The following MGAT4D variants were observed in gnomAD, a reference collection of about 807,000 sequenced individuals.
MGAT4D encodes MGAT4 family member D.
In MGAT4D, 34 loss-of-function variants were observed where a neutral mutation model predicts 15.9. The ratio of observed to expected loss-of-function variants is 2.14; its 90% CI spans 1.62 to 2.84. MGAT4D has a LOEUF of 2.84. Ranked by LOEUF, MGAT4D falls within the 30% of genes most tolerant of loss-of-function variation. The pLI is 0.00. For missense variants in MGAT4D, 327 were observed against 140.2 expected (o/e 2.33, Z -6.73); for synonymous variants, 112 against 48.2 (o/e 2.33, Z -5.49).
chr4:140,447,704 T>G (rs1421683041), intron 10 of MGAT4D, among the ~76,000 whole-genome samples: 1 of 152,232 alleles, frequency 6.6e-6, no homozygotes, highest in Admixed American at 6.5e-5. Flanking sequence ...CCTATTTACA[T>G]TCAAGATTAG....
chr4:140,456,979 G>C (rs1249277417), intron 8 of MGAT4D: 1 of 190,730 alleles, frequency 5.2e-6, no homozygotes, highest in East Asian at 1.2e-4. Context: ...TAACTCATGA[G>C]GATTGATTGT....
intron 1 of MGAT4D, among the ~76,000 whole-genome samples, chr4:140,484,652 T>A (rs1578709121): frequency 6.6e-6 from 1 of 152,218 alleles, no homozygotes; most frequent in East Asian, 1.9e-4. Context: ...AACCTACTCA[T>A]CTGACAAAGG....
At chr4:140,451,555 A>T in intron 9 of MGAT4D, 38 bp from the exon 10 acceptor site, 1 of 508,106 alleles carries the variant, frequency 2.0e-6, no homozygotes, top group Non-Finnish European at 3.6e-6. Flanking sequence ...GTAAAAACCC[A>T]GGTATTGCTT....
chr4:140,470,255 G>GGCATA (rs1665326423), intron 5 of MGAT4D, among the ~76,000 whole-genome samples: 1 of 152,124 alleles, frequency 6.6e-6, no homozygotes, highest in South Asian at 2.1e-4. Flanking sequence ...GACACTGACC[G>GGCATA]GCATACCTTC....
At position 140,474,797 on chromosome 4, in the gene MGAT4D, T is replaced by G. The variant is rs1432927586; in HGVS notation, c.525+16A>C. On this transcript the variant is annotated intron_variant, in intron 4 of 10. Transcript: ENST00000511113. Reference sequence around the variant, plus strand: ...TAGGGTGAGGATAAGGAGAGCTCCTTATTTTGTATACGTACATCTGCAACC... The same window carrying G: ...TAGGGTGAGGATAAGGAGAGCTCCTGATTTTGTATACGTACATCTGCAACC... The G allele has an allele frequency of 9.3e-6, 6 of 648,546 alleles. No individual in the cohort carries two copies. Among genetic ancestry groups the G allele is most frequent in the Admixed American group, 2.5e-5 (1 of 40,678 alleles). 40.2% of individuals were successfully genotyped at this position (648,546 alleles called of 1,614,324 possible). A position where few individuals can be genotyped will look rare whatever the true frequency, so the allele number is the denominator to read the frequency against.
At position 140,471,770 on chromosome 4, in the gene MGAT4D, C is replaced by A; in HGVS notation, c.572+5G>T. ...TAATGTAAAAATATATCAGACAGTA[C>A]TTACTTTTTTGTAATCATTTTAACA... On this transcript the variant is annotated splice_donor_5th_base_variant and intron_variant, in intron 5 of 10. Coordinates refer to ENST00000511113, the MANE Select transcript of MGAT4D (RefSeq NM_001277353.2). The A allele has an allele frequency of 2.1e-6, 1 of 478,432 alleles. No homozygotes were observed. Among genetic ancestry groups the A allele is most frequent in the African/African-American group, 2.0e-5 (1 of 50,468 alleles). The allele number at this position is 478,432 out of a possible 1,614,324, so 29.6% of individuals were successfully genotyped here.
chr4:140,465,948 C>T (rs2126751270), intron 5 of MGAT4D, among the ~76,000 whole-genome samples: 1 of 152,278 alleles, frequency 6.6e-6, no homozygotes, highest in East Asian at 1.9e-4. Flanking sequence ...GCACAAATCA[C>T]TATATAAATA....
chr4:140,491,910 G>A (rs533515368), intron 1 of MGAT4D, among the ~76,000 whole-genome samples: 9 of 152,122 alleles, frequency 5.9e-5, no homozygotes, highest in Non-Finnish European at 1.2e-4. Flanking sequence ...GGAGGAGGGG[G>A]GTGCAGCAGA....
chr4:140,456,536 G>A (rs67200893), intron 9 of MGAT4D, 53 bp downstream of exon 9: 99,372 of 530,762 alleles, frequency 0.19, 9,803 homozygotes, highest in South Asian at 0.27. Context: ...TAATTACGTT[G>A]GATAGATAAT....
Position 140,442,586 on chromosome 4 carries a change from G to T in MGAT4D, c.*850C>A, listed in dbSNP as rs753048462. On this transcript the variant is annotated 3_prime_UTR_variant, in exon 11 of 11. Transcript: ENST00000511113. The stretch of plus-strand genomic sequence containing the variant: ...AAGAGAATTTTGCACCCAATAGATA[G>T]GAATACTTTTAAGAGATATTTTTAA... The T allele has an allele frequency of 1.3e-5, 2 of 151,920 alleles. No homozygotes were observed. The highest frequency in any genetic ancestry group is 2.9e-5 in the Non-Finnish European group (2 of 67,942). 9.4% of individuals were successfully genotyped at this position (151,920 alleles called of 1,614,324 possible).
intron 1 of MGAT4D, among the ~76,000 whole-genome samples, chr4:140,486,233 T>C (rs1377367139): frequency 6.6e-6 from 1 of 151,616 alleles, no homozygotes; most frequent in Non-Finnish European, 1.5e-5. Flanking sequence ...TTCATTGTTT[T>C]ATCACATATC....
chr4:140,478,498 TATATACA>T (rs1284944586), intron 3 of MGAT4D, among the ~76,000 whole-genome samples: 2 of 152,250 alleles, frequency 1.3e-5, no homozygotes, highest in Non-Finnish European at 2.9e-5. Flanking sequence ...CATGTATATG[TATATACA>T]GGTAAAGAGT....
chr4:140,460,145 A>G (rs1731079159), intron 7 of MGAT4D, among the ~76,000 whole-genome samples: 1 of 152,122 alleles, frequency 6.6e-6, no homozygotes, highest in South Asian at 2.1e-4. Context: ...TTCCATCTAA[A>G]TCCCTCTTTG....
At chr4:140,461,257 CT>C (rs979873278) in intron 7 of MGAT4D, among the ~76,000 whole-genome samples, 5 of 151,944 alleles carry the variant, frequency 3.3e-5, no homozygotes, top group South Asian at 2.1e-4. Flanking sequence ...CAAAAGAGAC[CT>C]TTTTTTTCTT....
chr4:140,470,238 C>G (rs1722748352), intron 5 of MGAT4D, among the ~76,000 whole-genome samples: 1 of 152,216 alleles, frequency 6.6e-6, no homozygotes, highest in South Asian at 2.1e-4. Flanking sequence ...AGGAGTTTTC[C>G]TGTGCGGACA....
intron 5 of MGAT4D, among the ~76,000 whole-genome samples, chr4:140,465,352 G>A (rs1291103978): frequency 6.6e-6 from 1 of 152,146 alleles, no homozygotes; most frequent in African/African-American, 2.4e-5. Flanking sequence ...AAGAATATTT[G>A]ATGATTTTTA....
intron 6 of MGAT4D, among the ~76,000 whole-genome samples, chr4:140,463,615 C>T (rs1367127624): frequency 1.3e-5 from 2 of 152,026 alleles, no homozygotes; most frequent in Non-Finnish European, 2.9e-5. Context: ...CATTCTTGCC[C>T]TTCTGTGTCT....
chr4:140,475,701 G>A (rs1274190929), intron 3 of MGAT4D, among the ~76,000 whole-genome samples: 2 of 148,360 alleles, frequency 1.3e-5, no homozygotes, highest in Admixed American at 1.4e-4. Context: ...TCATTTCAGG[G>A]CCCTGATAAA....
chr4:140,443,193 A>T lies in MGAT4D; in HGVS notation c.*243T>A, dbSNP rs1729881256. ...GTCAATAAAGTGCAGTTCTTAATTT[A>T]AAAAAAACTTCCTTGCCTTTAGTAT... On this transcript the variant is annotated 3_prime_UTR_variant, in exon 11 of 11. Coordinates refer to ENST00000511113, the MANE Select transcript of MGAT4D (RefSeq NM_001277353.2). The T allele has an allele frequency of 9.2e-6, 2 of 217,704 alleles. No individual in the cohort carries two copies. Among genetic ancestry groups the T allele is most frequent in the Non-Finnish European group, 1.8e-5 (2 of 112,558 alleles). The allele number at this position is 217,704 out of a possible 1,614,324, so 13.5% of individuals were successfully genotyped here. A position where few individuals can be genotyped will look rare whatever the true frequency, so the allele number is the denominator to read the frequency against.
Sources: gnomAD v4.1 joint callset for allele counts (sites outside exome capture counted in the v4.1 genomes callset) on GRCh38, gnomAD v4.1.1 for gene constraint, MANE v1.5 for transcripts, NCBI Gene and HGNC (gene_info 2026-07-23, HGNC 2026-07-21) for gene names.